Variants in TP63 observed in about 807,000 individuals in gnomAD.
TP63 encodes the protein tumor protein 63.
A neutral mutation model predicts 82.8 loss-of-function variants in TP63; 17 were observed. That is an observed-to-expected ratio of 0.21 (90% CI 0.14 to 0.31). TP63 has a LOEUF of 0.31. Ranked by LOEUF, TP63 falls within the 10% of genes least tolerant of loss-of-function variation. TP63 has a pLI of 1.00. For missense variants in TP63, 648 were observed against 895.3 expected, an observed-to-expected ratio of 0.72 and a Z score of 3.52; for synonymous variants, 330 against 321.7, an observed-to-expected ratio of 1.03 and a Z score of -0.28.
intron 1 of TP63, among the ~76,000 whole-genome samples, chr3:189,715,336 T>TA (rs1423816580): frequency 6.6e-6 from 1 of 152,192 alleles, no homozygotes; most frequent in Non-Finnish European, 1.5e-5. Context: ...GTTTTGAAAT[T>TA]ACGGCATTTG....
At chr3:189,762,698 A>T (rs1341959108) in intron 3 of TP63, among the ~76,000 whole-genome samples, 2 of 152,228 alleles carry the variant, frequency 1.3e-5, no homozygotes, top group Non-Finnish European at 2.9e-5. Context: ...AAGAACTAAA[A>T]TGTCAAGCTT....
chr3:189,691,473 C>T (rs1049603173), intron 1 of TP63, among the ~76,000 whole-genome samples: 1 of 151,788 alleles, frequency 6.6e-6, no homozygotes, highest in South Asian at 2.1e-4. Flanking sequence ...GGGAAGTTGT[C>T]ATATGCATTT....
chr3:189,853,346 C>T (rs998563940), intron 4 of TP63, among the ~76,000 whole-genome samples: 1 of 152,194 alleles, frequency 6.6e-6, no homozygotes, highest in Non-Finnish European at 1.5e-5. Flanking sequence ...CAAGGCCTTG[C>T]GTGATCTGGG....
chr3:189,838,408 G>A (rs1365372451), intron 4 of TP63, among the ~76,000 whole-genome samples: 1 of 152,122 alleles, frequency 6.6e-6, no homozygotes, highest in Admixed American at 6.5e-5. Flanking sequence ...TCTTTTCCGT[G>A]TTGGGGCTAA....
At chr3:189,847,776 T>A (rs573546066) in intron 4 of TP63, among the ~76,000 whole-genome samples, 3 of 152,314 alleles carry the variant, frequency 2.0e-5, no homozygotes, top group Admixed American at 6.5e-5. Flanking sequence ...CAAGCTCCCA[T>A]TGTGAGAATA....
chr3:189,872,794 G>A (rs1306509764), intron 9 of TP63, 65 bp from the exon 10 acceptor site: 3 of 1,608,568 alleles, frequency 1.9e-6, no homozygotes, highest in Non-Finnish European at 2.6e-6. Flanking sequence ...AATGAGGATT[G>A]ACCACACTTC....
rs551794794 is a variant in TP63 at position 189,672,054 on chromosome 3, A to G, written c.62+40477A>G. ...TAGAAGAGAAGATTTTTGAATGTTCACAACACAAAGAAATGATAAATGTTT... is the reference window on the plus strand; with the variant it reads ...TAGAAGAGAAGATTTTTGAATGTTCGCAACACAAAGAAATGATAAATGTTT... On this transcript the variant is annotated intron_variant, in intron 1 of 13. Coordinates refer to ENST00000264731, the MANE Select transcript of TP63 (RefSeq NM_003722.5). Among the ~76,000 whole-genome samples, 7 of 152,258 alleles carry G rather than the reference A, an allele frequency of 4.6e-5. 1 individual carries two copies. The highest frequency in any genetic ancestry group is 1.7e-4 in the African/African-American group (7 of 41,578).
chr3:189,801,865 T>C (rs1390685710), intron 3 of TP63, among the ~76,000 whole-genome samples: 3 of 152,230 alleles, frequency 2.0e-5, no homozygotes, highest in Non-Finnish European at 4.4e-5. Context: ...TATGAGTATA[T>C]ATTAAGTATT....
At chr3:189,788,917 C>G (rs1188763785) in intron 3 of TP63, among the ~76,000 whole-genome samples, 14 of 144,894 alleles carry the variant, frequency 9.7e-5, no homozygotes, top group African/African-American at 3.4e-4. Context: ...AAGAAATATT[C>G]AAATAGATAA....
intron 13 of TP63, among the ~76,000 whole-genome samples, chr3:189,892,849 A>G (rs1283534242): frequency 1.3e-5 from 2 of 152,192 alleles, no homozygotes. Context: ...TTTATAAGGT[A>G]TTCTTCTGCT....
At chr3:189,674,920 C>T (rs1477699163) in intron 1 of TP63, among the ~76,000 whole-genome samples, 6 of 152,122 alleles carry the variant, frequency 3.9e-5, no homozygotes, top group Admixed American at 3.3e-4. Context: ...TCTACTAATG[C>T]TGAGGCACTC....
chr3:189,845,447 A>G (rs893458410), intron 4 of TP63, among the ~76,000 whole-genome samples: 5 of 152,162 alleles, frequency 3.3e-5, no homozygotes, highest in Non-Finnish European at 7.4e-5. Context: ...TTGTTTTGTT[A>G]TATGTGTTTT....
intron 6 of TP63, 22 bp downstream of exon 6, chr3:189,866,819 CAAAAAA>C (rs765713378): frequency 7.4e-5 from 117 of 1,587,296 alleles, no homozygotes; most frequent in Non-Finnish European, 1.0e-4. Context: ...AAAACCAAAC[CAAAAAA>C]CAACACCTCT....
chr3:189,714,249 A>G (rs755651220), intron 1 of TP63, among the ~76,000 whole-genome samples: 4 of 152,186 alleles, frequency 2.6e-5, no homozygotes, highest in African/African-American at 4.8e-5. Flanking sequence ...TTCTGCCTTC[A>G]AGTTCTATTA....
chr3:189,711,839 T>A (rs192851216), intron 1 of TP63, among the ~76,000 whole-genome samples: 200 of 152,292 alleles, frequency 1.3e-3, no homozygotes, highest in African/African-American at 4.5e-3. Flanking sequence ...TACACTGATG[T>A]ATGGGCTTGA....
At chr3:189,770,604 G>T (rs564762084) in intron 3 of TP63, among the ~76,000 whole-genome samples, 3 of 151,850 alleles carry the variant, frequency 2.0e-5, no homozygotes, top group East Asian at 1.9e-4. Context: ...TAAGAAATTT[G>T]CAGCAAAGTT....
intron 9 of TP63, among the ~76,000 whole-genome samples, chr3:189,870,758 A>G (rs1718321612): frequency 6.6e-6 from 1 of 152,264 alleles, no homozygotes; most frequent in East Asian, 1.9e-4. Context: ...GTAGGGTGGC[A>G]ATGACGTTTT....
At chr3:189,807,370 G>A (rs1242074560) in intron 3 of TP63, among the ~76,000 whole-genome samples, 1 of 152,224 alleles carries the variant, frequency 6.6e-6, no homozygotes, top group Non-Finnish European at 1.5e-5. Flanking sequence ...TTTTTGTAGA[G>A]TAAATGAGGC....
intron 1 of TP63, among the ~76,000 whole-genome samples, chr3:189,637,357 C>T (rs1372870157): frequency 1.3e-5 from 2 of 152,082 alleles, no homozygotes; most frequent in Non-Finnish European, 2.9e-5. Context: ...TATAGTGTGC[C>T]AGTGGACTGG....
Sources: gnomAD v4.1 joint callset for allele counts (sites outside exome capture counted in the v4.1 genomes callset) on GRCh38, gnomAD v4.1.1 for gene constraint, MANE v1.5 for transcripts, NCBI Gene and HGNC (gene_info 2026-07-23, HGNC 2026-07-21) for gene names.